ARMH4: variants seen among roughly 807,000 people sequenced by gnomAD.
ARMH4 encodes the protein armadillo like helical domain containing 4, also known as armadillo-like helical domain-containing protein 4.
In ARMH4, 49 loss-of-function variants were observed where a neutral mutation model predicts 61.9. The observed-to-expected ratio is 0.79, with a 90% CI of 0.63 to 1.00. The LOEUF is 1.00. ARMH4 is among the 50% of genes least tolerant of loss of function. The pLI is 0.00. For missense variants in ARMH4, 934 were observed against 930.0 expected (o/e 1.00, Z -0.06); for synonymous variants, 368 against 341.5 (o/e 1.08, Z -0.85).
At chr14:58,016,081 T>A (rs1334728954) in intron 5 of ARMH4, among the ~76,000 whole-genome samples, 2 of 152,032 alleles carry the variant, frequency 1.3e-5, no homozygotes, top group African/African-American at 4.8e-5. Flanking sequence ...TTATTAAGGT[T>A]AAAATGTTTT....
At chr14:58,069,149 G>A (rs1884800521) in intron 5 of ARMH4, among the ~76,000 whole-genome samples, 4 of 152,260 alleles carry the variant, frequency 2.6e-5, no homozygotes, top group African/African-American at 9.6e-5. Context: ...CAAGATCAAA[G>A]CTAGTATTAA....
intron 5 of ARMH4, among the ~76,000 whole-genome samples, chr14:58,039,727 C>T (rs1159379942): frequency 6.6e-6 from 1 of 152,184 alleles, no homozygotes; most frequent in African/African-American, 2.4e-5. Context: ...CTAGAATTTC[C>T]TGCTTCTCAT....
chr14:58,108,138 C>G (rs1886228930), intron 4 of ARMH4, among the ~76,000 whole-genome samples: 1 of 152,134 alleles, frequency 6.6e-6, no homozygotes, highest in Non-Finnish European at 1.5e-5. Flanking sequence ...TGCAGCGACT[C>G]TCCAGCAGAT....
At chr14:58,045,690 C>A (rs993832009) in intron 5 of ARMH4, among the ~76,000 whole-genome samples, 8 of 151,516 alleles carry the variant, frequency 5.3e-5, no homozygotes, top group Middle Eastern at 3.5e-3. Flanking sequence ...AACCCTCAGT[C>A]CCTCAGAATG....
intron 5 of ARMH4, among the ~76,000 whole-genome samples, chr14:58,065,997 T>C (rs1249135170): frequency 6.6e-6 from 1 of 152,186 alleles, no homozygotes; most frequent in Non-Finnish European, 1.5e-5. Flanking sequence ...CAGTGAATCT[T>C]AGGAGGAGCC....
intron 5 of ARMH4, among the ~76,000 whole-genome samples, chr14:58,027,919 T>C (rs1159842927): frequency 1.3e-5 from 2 of 152,198 alleles, no homozygotes; most frequent in Non-Finnish European, 2.9e-5. Flanking sequence ...AATAGATTAC[T>C]TGAAAGTTTC....
At chr14:58,039,591 T>C (rs1042453174) in intron 5 of ARMH4, among the ~76,000 whole-genome samples, 3 of 152,228 alleles carry the variant, frequency 2.0e-5, no homozygotes, top group African/African-American at 7.2e-5. Context: ...GTCCAGGGAT[T>C]AGCCTCCCTG....
chr14:58,085,252 C>T (rs1885342978), intron 5 of ARMH4, among the ~76,000 whole-genome samples: 1 of 152,008 alleles, frequency 6.6e-6, no homozygotes, highest in South Asian at 2.1e-4. Flanking sequence ...GTTGGAAACT[C>T]TTTAACATCA....
At chr14:58,086,304 T>C (rs1395703393) in intron 5 of ARMH4, among the ~76,000 whole-genome samples, 1 of 152,156 alleles carries the variant, frequency 6.6e-6, no homozygotes, top group Non-Finnish European at 1.5e-5. Flanking sequence ...GGTGATGTTC[T>C]GGAAAAAACT....
chr14:58,101,006 C>T (rs181044961), intron 4 of ARMH4: 15 of 180,342 alleles, frequency 8.3e-5, no homozygotes, highest in African/African-American at 2.4e-4. Context: ...AAGGATTAAG[C>T]TGTGGGACAC....
At chr14:58,133,002 T>C in intron 3 of ARMH4, 88 bp downstream of exon 3, 1 of 1,461,204 alleles carries the variant, frequency 6.8e-7, no homozygotes, top group Non-Finnish European at 9.4e-7. Context: ...CTGATGGCAA[T>C]GTCGGCTGCC....
Position 58,139,464 on chromosome 14 carries a change from A to G in ARMH4, c.-56-50T>C, listed in dbSNP as rs770069756. On this transcript the variant is annotated intron_variant, in intron 1 of 7. Coordinates refer to ENST00000267485, the MANE Select transcript of ARMH4 (RefSeq NM_001001872.4). Reference sequence around the variant, plus strand: ...ACTGTCATATAAATACATGTTGTAAATAAGTCTCTTTAAATTAAACCATAA... The same window carrying G: ...ACTGTCATATAAATACATGTTGTAAGTAAGTCTCTTTAAATTAAACCATAA... The G allele has an allele frequency of 9.3e-5, 96 of 1,030,820 alleles. 1 individual carries two copies. In the Middle Eastern group the frequency reaches 1.0e-3, roughly 11 times the overall value. The allele number at this position is 1,030,820 out of a possible 1,614,324, so 63.9% of individuals were successfully genotyped here. A position where few individuals can be genotyped will look rare whatever the true frequency, so the allele number is the denominator to read the frequency against.
chr14:58,115,900 C>T (rs1226984021), intron 4 of ARMH4, among the ~76,000 whole-genome samples: 4 of 151,934 alleles, frequency 2.6e-5, no homozygotes, highest in East Asian at 1.9e-4. Context: ...GACACTGGGG[C>T]CTACTTGAGG....
intron 4 of ARMH4, among the ~76,000 whole-genome samples, chr14:58,111,685 CT>C (rs542731594): frequency 0.12 from 17,708 of 145,278 alleles, 1,830 homozygotes; most frequent in African/African-American, 0.29. Flanking sequence ...CTTCCTTCTT[CT>C]TTTTTTTTTT....
At chr14:58,104,172 G>A (rs1886093015) in intron 4 of ARMH4, among the ~76,000 whole-genome samples, 1 of 152,134 alleles carries the variant, frequency 6.6e-6, no homozygotes, top group South Asian at 2.1e-4. Flanking sequence ...GCCCTGAAAT[G>A]TCCAACATGA....
intron 4 of ARMH4, chr14:58,101,081 T>C (rs1192114538): frequency 1.2e-5 from 2 of 165,852 alleles, no homozygotes; most frequent in Non-Finnish European, 2.7e-5. Flanking sequence ...GGTGACCAAG[T>C]GTCTGCACAC....
intron 4 of ARMH4, among the ~76,000 whole-genome samples, chr14:58,129,490 T>C (rs898653193): frequency 6.6e-6 from 1 of 152,148 alleles, no homozygotes; most frequent in East Asian, 1.9e-4. Flanking sequence ...ACGTAAGTAA[T>C]ACAGGGTTCT....
chr14:58,011,992 C>T, intron 6 of ARMH4, 127 bp downstream of exon 6: 1 of 680,788 alleles, frequency 1.5e-6, no homozygotes, highest in East Asian at 3.2e-5. Context: ...TGCAAGTTGC[C>T]CTGAATCTTT....
intron 5 of ARMH4, among the ~76,000 whole-genome samples, chr14:58,044,828 A>G (rs1883872956): frequency 6.6e-6 from 1 of 152,274 alleles, no homozygotes; most frequent in African/African-American, 2.4e-5. Context: ...TCTCAAAAGA[A>G]GACATTTATA....
Sources: gnomAD v4.1 joint callset for allele counts (sites outside exome capture counted in the v4.1 genomes callset) on GRCh38, gnomAD v4.1.1 for gene constraint, MANE v1.5 for transcripts, NCBI Gene and HGNC (gene_info 2026-07-23, HGNC 2026-07-21) for gene names.